SDHC: variants seen among roughly 807,000 people sequenced by gnomAD.
SDHC encodes succinate dehydrogenase cytochrome b560 subunit, mitochondrial.
Under a neutral mutation model 22.6 loss-of-function variants are expected in SDHC, and 11 were observed. The observed-to-expected ratio is 0.49, with a 90% confidence interval of 0.31 to 0.81. The LOEUF (loss-of-function observed/expected upper bound fraction) is 0.81. Among genes scored for constraint, SDHC ranks in the 30% least tolerant of loss-of-function variants. SDHC has a pLI of 0.05. For missense variants in SDHC, 160 were observed against 212.0 expected (o/e 0.75, Z 1.52); for synonymous variants, 80 against 77.8 (o/e 1.03, Z -0.15).
chr1:161,339,563 C>G (rs1030780405), intron 3 of SDHC: 2 of 1,265,672 alleles, frequency 1.6e-6, no homozygotes. Context: ...TTTTCTCAGC[C>G]CTATCAGTGA....
chr1:161,328,563 T>C, intron 3 of SDHC, 66 bp downstream of exon 3: 1 of 1,143,224 alleles, frequency 8.7e-7, no homozygotes, highest in Non-Finnish European at 1.3e-6. Context: ...GGTTGATCTT[T>C]AGCCTACTTG....
chr1:161,330,540 C>T (rs1160896848), intron 3 of SDHC, among the ~76,000 whole-genome samples: 5 of 152,330 alleles, frequency 3.3e-5, no homozygotes, highest in East Asian at 1.9e-4. Flanking sequence ...TAGCTCCATC[C>T]GCTATCCTTC....
intron 2 of SDHC, among the ~76,000 whole-genome samples, chr1:161,327,879 T>C (rs1671119645): frequency 6.6e-6 from 1 of 151,758 alleles, no homozygotes; most frequent in Admixed American, 6.6e-5. Flanking sequence ...TTATTTTATT[T>C]TTATTTTTAT....
chr1:161,335,180 C>T (rs537873893), intron 3 of SDHC, among the ~76,000 whole-genome samples: 3 of 152,220 alleles, frequency 2.0e-5, no homozygotes, highest in African/African-American at 2.4e-5. Context: ...AATACCCCTG[C>T]GGTAATGCTA....
intron 3 of SDHC, among the ~76,000 whole-genome samples, chr1:161,338,157 T>A (rs1037229911): frequency 3.3e-5 from 5 of 152,232 alleles, no homozygotes; most frequent in African/African-American, 1.2e-4. Context: ...TTCTTCCACC[T>A]TTTATATTTC....
At chr1:161,343,585 G>A (rs1363978122) in intron 4 of SDHC, among the ~76,000 whole-genome samples, 1 of 152,086 alleles carries the variant, frequency 6.6e-6, no homozygotes, top group Non-Finnish European at 1.5e-5. Context: ...AACTGGTGGG[G>A]ATGATAGGGT....
At chr1:161,337,164 A>T (rs1237046036) in intron 3 of SDHC, among the ~76,000 whole-genome samples, 1 of 151,416 alleles carries the variant, frequency 6.6e-6, no homozygotes, top group Non-Finnish European at 1.5e-5. Context: ...TACAGGCCTG[A>T]GCCACTGTGC....
At chr1:161,350,489 G>T (rs1479160419) in intron 4 of SDHC, among the ~76,000 whole-genome samples, 1 of 152,184 alleles carries the variant, frequency 6.6e-6, no homozygotes, top group Non-Finnish European at 1.5e-5. Flanking sequence ...GTAATGTAGT[G>T]TAGCTTAAAA....
chr1:161,362,478 C>T lies in SDHC; in HGVS notation c.*45C>T, dbSNP rs370435919. On this transcript the variant is annotated 3_prime_UTR_variant, in exon 6 of 6. Coordinates refer to ENST00000367975, the MANE Select transcript of SDHC (RefSeq NM_003001.5). Reference sequence around the variant, plus strand: ...TCATCTTCCTACACATTATTACATTCACCCATCTTTCTGTTTGTCATTCTT... The same window carrying T: ...TCATCTTCCTACACATTATTACATTTACCCATCTTTCTGTTTGTCATTCTT... 1.2e-6 allele frequency: 2 copies of T among 1,611,918 alleles called. No homozygotes were observed. The highest frequency in any genetic ancestry group is 3.3e-5 in the Admixed American group (2 of 59,842).
At chr1:161,350,384 CAGTT>C (rs1234978985) in intron 4 of SDHC, among the ~76,000 whole-genome samples, 3 of 152,114 alleles carry the variant, frequency 2.0e-5, no homozygotes, top group African/African-American at 7.2e-5. Context: ...ATGGGGGCAA[CAGTT>C]AGAATTTAGA....
intron 2 of SDHC, among the ~76,000 whole-genome samples, chr1:161,327,738 A>AT (rs1194512966): frequency 2.0e-5 from 3 of 150,974 alleles, no homozygotes; most frequent in African/African-American, 7.3e-5. Context: ...ATTTTTTTCT[A>AT]TTTTTAGTAG....
At chr1:161,346,297 C>A (rs181993004) in intron 4 of SDHC, among the ~76,000 whole-genome samples, 127 of 152,288 alleles carry the variant, frequency 8.3e-4, no homozygotes, top group African/African-American at 2.8e-3. Flanking sequence ...TTCTAATTAA[C>A]CTCCTGTTAC....
At chr1:161,358,970 T>C (rs983697887) in intron 5 of SDHC, among the ~76,000 whole-genome samples, 2 of 148,514 alleles carry the variant, frequency 1.3e-5, no homozygotes, top group Non-Finnish European at 3.0e-5. Flanking sequence ...CTGGGGGTGG[T>C]GGCATGTGCC....
At chr1:161,358,327 T>G (rs1172951825) in intron 5 of SDHC, among the ~76,000 whole-genome samples, 1 of 151,820 alleles carries the variant, frequency 6.6e-6, no homozygotes, top group African/African-American at 2.4e-5. Flanking sequence ...GAGATGGGGT[T>G]TCACCATGTT....
chr1:161,346,032 T>C (rs1347140381), intron 4 of SDHC, among the ~76,000 whole-genome samples: 5 of 150,622 alleles, frequency 3.3e-5, no homozygotes. Flanking sequence ...CTCAAACTCC[T>C]GACCTCAAGG....
At chr1:161,328,253 C>T (rs572815277) in intron 2 of SDHC, 143 bp from the exon 3 acceptor site, 47 of 690,226 alleles carry the variant, frequency 6.8e-5, no homozygotes, top group African/African-American at 5.6e-4. Flanking sequence ...CCGCCCGCCT[C>T]GGCCTCCCAA....
chr1:161,318,520 T>C (rs946796859), intron 1 of SDHC, among the ~76,000 whole-genome samples: 2 of 152,184 alleles, frequency 1.3e-5, no homozygotes, highest in African/African-American at 4.8e-5. Flanking sequence ...TATGTAATAA[T>C]GTTCATGCTC....
At chr1:161,349,415 A>T (rs1672027689) in intron 4 of SDHC, among the ~76,000 whole-genome samples, 1 of 152,140 alleles carries the variant, frequency 6.6e-6, no homozygotes, top group African/African-American at 2.4e-5. Context: ...CAGTGAGCCG[A>T]GATCATGCCA....
At chr1:161,350,533 T>G (rs894359839) in intron 4 of SDHC, among the ~76,000 whole-genome samples, 1 of 152,160 alleles carries the variant, frequency 6.6e-6, no homozygotes, top group African/African-American at 2.4e-5. Flanking sequence ...TAAAAACATA[T>G]GCATTAAATA....
Sources: gnomAD v4.1 joint callset for allele counts (sites outside exome capture counted in the v4.1 genomes callset) on GRCh38, gnomAD v4.1.1 for gene constraint, MANE v1.5 for transcripts, NCBI Gene and HGNC (gene_info 2026-07-23, HGNC 2026-07-21) for gene names.